Variants in PMS1 observed in about 807,000 individuals in gnomAD.
The protein encoded by PMS1 is PMS1 protein homolog 1.
In PMS1, 79 loss-of-function variants were observed where a neutral mutation model predicts 93.1. The ratio of observed to expected loss-of-function variants is 0.85; its 90% confidence interval spans 0.71 to 1.02. The LOEUF is 1.02. Ranked by LOEUF, PMS1 falls within the 50% of genes least tolerant of loss-of-function variation. The probability of loss-of-function intolerance (pLI) is 0.00; values close to 1 mark genes in which losing one functional copy is unlikely to be tolerated. For missense variants in PMS1, 1,064 were observed against 1,085.3 expected (o/e 0.98, Z 0.28); for synonymous variants, 335 against 363.4 (o/e 0.92, Z 0.89).
chr2:189,791,286 G>A (rs994120998), intron 1 of PMS1, among the ~76,000 whole-genome samples: 6 of 152,024 alleles, frequency 3.9e-5, no homozygotes, highest in Non-Finnish European at 8.8e-5. Context: ...TAAAATTGAG[G>A]TGATAATGGC....
At chr2:189,805,839 A>G (rs755473732) in intron 4 of PMS1, 85 bp downstream of exon 4, 2 of 1,576,706 alleles carry the variant, frequency 1.3e-6, no homozygotes, top group Non-Finnish European at 1.7e-6. Context: ...CTCGGTGAAT[A>G]CAAATATATT....
intron 5 of PMS1, among the ~76,000 whole-genome samples, chr2:189,824,370 G>A (rs1385514159): frequency 1.3e-5 from 2 of 151,840 alleles, no homozygotes; most frequent in Non-Finnish European, 2.9e-5. Flanking sequence ...CACTATTCTG[G>A]TCATTATCCT....
intron 6 of PMS1, among the ~76,000 whole-genome samples, chr2:189,844,650 A>G (rs535069860): frequency 1.3e-5 from 2 of 150,988 alleles, no homozygotes; most frequent in Non-Finnish European, 3.0e-5. Context: ...TCTCAAAAAA[A>G]AAAAAAAAAA....
intron 9 of PMS1, among the ~76,000 whole-genome samples, chr2:189,857,823 G>T (rs2055511276): frequency 1.3e-5 from 2 of 152,086 alleles, no homozygotes; most frequent in Admixed American, 6.6e-5. Context: ...AAACTTGGCA[G>T]TTGGACTTAA....
intron 5 of PMS1, among the ~76,000 whole-genome samples, chr2:189,842,452 T>C (rs954597340): frequency 6.6e-6 from 1 of 152,160 alleles, no homozygotes; most frequent in East Asian, 1.9e-4. Flanking sequence ...TTGACTGTAA[T>C]TGGACCTTGT....
rs1470847012 is a variant in PMS1, at chr2:189,864,206, A to G, written c.2320A>G (p.Lys774Glu). 1 of 1,605,950 alleles carries G rather than the reference A, an allele frequency of 6.2e-7. No individual in the cohort carries two copies. Among genetic ancestry groups the G allele is most frequent in the East Asian group, 2.2e-5 (1 of 44,818 alleles). The change falls in exon 10 of 13, where the codon AAG (lysine) becomes GAG (glutamate). Residue 774 changes from lysine to glutamate, a missense_variant. Transcript: ENST00000441310. ...NHKLPAEPLE[K>E]PIMLTESLFN... ...TAAACTTCCTGCAGAGCCACTGGAA[A>G]AGCCAATTATGTTAACAGAGAGGTA...
At position 189,785,148 on chromosome 2, in the gene PMS1, G is replaced by A. The variant is rs181913983; in HGVS notation, c.-21+555G>A. 3.3e-3 allele frequency among the ~76,000 whole-genome samples: 501 copies of A among 152,328 alleles called. 2 individuals are homozygous for A. Among genetic ancestry groups the A allele is most frequent in the Middle Eastern group, 6.8e-3 (2 of 294 alleles). ...CACCTTGGCAGTGCAGAAAGTTTGT[G>A]ATTTTTATTGCCGAAATAGCTTTCA... is the stretch of plus-strand genomic sequence containing the variant. On this transcript the variant is annotated intron_variant, in intron 1 of 12. Coordinates refer to ENST00000441310, the MANE Select transcript of PMS1 (RefSeq NM_000534.5).
rs2106449976 is a variant in PMS1, at chr2:189,852,740, TA to T, written c.788del (p.Asn263ThrfsTer11). ...LSTPERSFIF[I>X]NSRPVHQKDI... ...ACACCAGAAAGAAGTTTCATCTTCA[TA>T]AACAGTCGACCAGTACATCAAAAAG... is the stretch of plus-strand genomic sequence containing the variant. On this transcript the variant is annotated frameshift_variant, in exon 7 of 13. Coordinates refer to ENST00000441310, the MANE Select transcript of PMS1 (RefSeq NM_000534.5). LOFTEE classifies it high-confidence loss of function. 1.9e-6 allele frequency: 3 copies of T among 1,593,596 alleles called. No homozygotes were observed. Among genetic ancestry groups the T allele is most frequent in the East Asian group, 2.2e-5 (1 of 44,686 alleles).
intron 5 of PMS1, among the ~76,000 whole-genome samples, chr2:189,840,308 G>A (rs2053716678): frequency 6.6e-6 from 1 of 152,148 alleles, no homozygotes. Flanking sequence ...GAAACAGCTG[G>A]ATCGGTTATA....
At chr2:189,817,816 T>C (rs2051458545) in intron 4 of PMS1, among the ~76,000 whole-genome samples, 1 of 152,340 alleles carries the variant, frequency 6.6e-6, no homozygotes, top group Non-Finnish European at 1.5e-5. Flanking sequence ...GACGAGGTCA[T>C]ACTTCGTAGG....
intron 5 of PMS1, among the ~76,000 whole-genome samples, chr2:189,842,962 TTA>T (rs144425315): frequency 6.0e-5 from 9 of 148,766 alleles, no homozygotes; most frequent in African/African-American, 9.9e-5. Flanking sequence ...TACAAAGTAT[TTA>T]TATATATATA....
chr2:189,819,370 A>G lies in PMS1; in HGVS notation c.582+1190A>G, dbSNP rs556207190. ...ATATGAGCACAGGCGTCCTTCTGGTATAATGATTTCCTTTGGGTAGATACC... is the reference window on the plus strand; with the variant it reads ...ATATGAGCACAGGCGTCCTTCTGGTGTAATGATTTCCTTTGGGTAGATACC... On this transcript the variant is annotated intron_variant, in intron 5 of 12. Coordinates refer to ENST00000441310, the MANE Select transcript of PMS1 (RefSeq NM_000534.5). 9.8e-5 allele frequency among the ~76,000 whole-genome samples: 15 copies of G among 152,332 alleles called. No individual in the cohort carries two copies. In the South Asian group the frequency reaches 1.9e-3, roughly 19 times the overall value.
rs150189114 is a variant in PMS1, at chr2:189,845,348, G to T, written c.699+1268G>T. On this transcript the variant is annotated intron_variant, in intron 6 of 12. Transcript: ENST00000441310. ...CCATGCAAATGAGAATATTCCTAGA[G>T]CCCTGATTAAATGGAATCTCTGTTC... Among the ~76,000 whole-genome samples the T allele has an allele frequency of 1.4e-4, 21 of 152,036 alleles. No individual in the cohort carries two copies. The East Asian group carries it at 4.0e-3, about 29-fold the overall frequency.
intron 3 of PMS1, among the ~76,000 whole-genome samples, chr2:189,802,198 T>C (rs1326997176): frequency 1.3e-5 from 2 of 152,348 alleles, no homozygotes; most frequent in South Asian, 2.1e-4. Context: ...ATCACCCAGT[T>C]GACCCCACCA....
chr2:189,860,420 T>C (rs575632123), intron 9 of PMS1, among the ~76,000 whole-genome samples: 3 of 152,140 alleles, frequency 2.0e-5, no homozygotes, highest in African/African-American at 7.2e-5. Context: ...TTTTTTTTTT[T>C]AAATCAAAGA....
At chr2:189,791,628 A>AAG in intron 1 of PMS1, 162 bp from the exon 2 acceptor site, 1 of 552,526 alleles carries the variant, frequency 1.8e-6, no homozygotes, top group Non-Finnish European at 3.2e-6. Flanking sequence ...AAAAAAAAAA[A>AAG]GAAGAAATAG....
At chr2:189,867,351 C>G (rs1181323053) in intron 10 of PMS1, among the ~76,000 whole-genome samples, 1 of 152,150 alleles carries the variant, frequency 6.6e-6, no homozygotes, top group African/African-American at 2.4e-5. Context: ...CTCTCCCAAG[C>G]TCTAAATTGA....
At chr2:189,855,152 G>C in intron 9 of PMS1, 24 bp downstream of exon 9, 1 of 1,593,696 alleles carries the variant, frequency 6.3e-7, no homozygotes, top group East Asian at 2.2e-5. Context: ...GCTTGCATGT[G>C]ACTTGAATGT....
chr2:189,791,877 G>A lies in PMS1; in HGVS notation c.68G>A (p.Ser23Asn). Residue 23 changes from serine (S) to asparagine (N), a missense_variant, in exon 2 of 13, where the codon AGT becomes AAT. By Grantham distance (46) the Ser-to-Asn change is conservative. Coordinates refer to ENST00000441310, the MANE Select transcript of PMS1 (RefSeq NM_000534.5). ...SSSQIITSVV[S>N]VVKELIENSL... ...TCTCAGATCATCACTTCGGTGGTCA[G>A]TGTTGTAAAAGAGCTTATTGAAAAC... The A allele has an allele frequency of 6.2e-7, 1 of 1,613,812 alleles. No individual in the cohort carries two copies. The highest frequency in any genetic ancestry group is 8.5e-7 in the Non-Finnish European group (1 of 1,179,696).
Sources: allele counts gnomAD v4.1 joint callset (sites outside exome capture counted in the v4.1 genomes callset), GRCh38; gene constraint gnomAD v4.1.1; transcripts MANE v1.5; gene names NCBI Gene and HGNC (gene_info 2026-07-23, HGNC 2026-07-21).